XKR4: variants seen among roughly 807,000 people sequenced by gnomAD.
XKR4 encodes the protein XK related 4.
Under a neutral mutation model 53.9 loss-of-function variants are expected in XKR4, and 12 were observed. That is an observed-to-expected ratio of 0.22 (90% CI 0.14 to 0.36). The LOEUF (loss-of-function observed/expected upper bound fraction) is 0.36, where lower values mean the gene tolerates loss of function less well. XKR4 is among the 10% of genes least tolerant of loss of function. The pLI is 1.00. For synonymous variants in XKR4, 354 were observed against 362.4 expected (o/e 0.98, Z 0.26); for missense variants, 799 against 859.5 (o/e 0.93, Z 0.88).
At chr8:55,324,621 T>G (rs2129379915) in intron 1 of XKR4, among the ~76,000 whole-genome samples, 1 of 152,336 alleles carries the variant, frequency 6.6e-6, no homozygotes, top group Admixed American at 6.5e-5. Context: ...ACTTATGGCT[T>G]AACTCACTGT....
chr8:55,342,692 T>C (rs1397498838), intron 1 of XKR4, among the ~76,000 whole-genome samples: 4 of 152,190 alleles, frequency 2.6e-5, no homozygotes, highest in Non-Finnish European at 5.9e-5. Context: ...GAGGGCTTGC[T>C]TCCTCTTCCT....
Position 55,323,750 on chromosome 8 carries a change from T to A in XKR4, c.807-33928T>A, listed in dbSNP as rs549231945. Among the ~76,000 whole-genome samples the A allele has an allele frequency of 5.3e-5, 8 of 152,350 alleles. No homozygotes were observed. The East Asian group carries it at 1.5e-3, about 29-fold the overall frequency. On this transcript the variant is annotated intron_variant, in intron 1 of 2. Coordinates refer to ENST00000327381, the MANE Select transcript of XKR4 (RefSeq NM_052898.2). ...TATGAGACTGTGGAACATTGTTCTA[T>A]GTGTCCTTAATGCTTTGTTCATTTC...
At chr8:55,402,890 C>G (rs916765565) in intron 2 of XKR4, among the ~76,000 whole-genome samples, 12 of 152,136 alleles carry the variant, frequency 7.9e-5, no homozygotes, top group Non-Finnish European at 1.8e-4. Context: ...GCCCACAGAC[C>G]TGCCTAAGTC....
At chr8:55,492,261 C>T (rs541983334) in intron 2 of XKR4, among the ~76,000 whole-genome samples, 3 of 152,038 alleles carry the variant, frequency 2.0e-5, no homozygotes, top group Admixed American at 6.5e-5. Context: ...AATTCAGAAC[C>T]GGATAATTTG....
intron 2 of XKR4, chr8:55,449,583 C>T: frequency 1.5e-6 from 2 of 1,328,498 alleles, no homozygotes; most frequent in Non-Finnish European, 2.2e-6. Flanking sequence ...GCACAAAAGT[C>T]GTAAACGCGA....
In XKR4 at chr8:55,525,836, A is replaced by G. The variant is rs1462109228; in HGVS notation, c.*1609A>G. 2.0e-5 allele frequency: 3 copies of G among 152,492 alleles called. No individual in the cohort carries two copies. The highest frequency in any genetic ancestry group is 4.4e-5 in the Non-Finnish European group (3 of 68,036). The allele number at this position is 152,492 out of a possible 1,614,324, so 9.4% of individuals were successfully genotyped here. On this transcript the variant is annotated 3_prime_UTR_variant, in exon 3 of 3. Transcript: ENST00000327381. ...ATCATAATTACTTGGGATGTCAGAA[A>G]CTGGTCCACAAATTCCATCAGCCTG...
Position 55,189,117 on chromosome 8 carries a change from G to C in XKR4, c.806+85823G>C, listed in dbSNP as rs78684761. 3.9e-5 allele frequency among the ~76,000 whole-genome samples: 6 copies of C among 152,268 alleles called. No individual in the cohort carries two copies. The East Asian group carries it at 1.2e-3, about 29-fold the overall frequency. On this transcript the variant is annotated intron_variant, in intron 1 of 2. Transcript: ENST00000327381. ...GCCCTACTACATCCTGGGCTCCTAA[G>C]TTGAAGAGTTAATTGTGATTTCGAT...
In XKR4 at chr8:55,130,976, G is replaced by T. The variant is rs186869467; in HGVS notation, c.806+27682G>T. Among the ~76,000 whole-genome samples, 230 of 152,082 alleles carry T rather than the reference G, an allele frequency of 1.5e-3. 1 individual carries two copies. The highest frequency in any genetic ancestry group is 4.4e-3 in the African/African-American group (184 of 41,488). ...GGAGTTTGAGACCAGCTTGACCGAC[G>T]TGGAGAAACCCCATCTCTACTAAAA... On this transcript the variant is annotated intron_variant, in intron 1 of 2. Coordinates refer to ENST00000327381, the MANE Select transcript of XKR4 (RefSeq NM_052898.2).
At chr8:55,408,795 T>G (rs1026243502) in intron 2 of XKR4, among the ~76,000 whole-genome samples, 2 of 150,810 alleles carry the variant, frequency 1.3e-5, no homozygotes, top group South Asian at 4.2e-4. Context: ...GATCACGGGG[T>G]CAGGAGTTCG....
intron 1 of XKR4, among the ~76,000 whole-genome samples, chr8:55,354,955 G>A (rs927603119): frequency 1.3e-5 from 2 of 150,694 alleles, no homozygotes; most frequent in African/African-American, 4.9e-5. Context: ...CCAGGATGGA[G>A]CGCAATGACA....
At chr8:55,181,300 G>GTCA (rs1205074794) in intron 1 of XKR4, among the ~76,000 whole-genome samples, 2 of 152,098 alleles carry the variant, frequency 1.3e-5, no homozygotes, top group Non-Finnish European at 2.9e-5. Flanking sequence ...TAACAACAGT[G>GTCA]TCATCTCCTT....
chr8:55,232,190 G>T (rs1818051667), intron 1 of XKR4, among the ~76,000 whole-genome samples: 1 of 152,176 alleles, frequency 6.6e-6, no homozygotes, highest in Non-Finnish European at 1.5e-5. Context: ...GGGACCTCTG[G>T]ATAGCTCTCT....
chr8:55,243,732 A>C (rs1818242797), intron 1 of XKR4, among the ~76,000 whole-genome samples: 2 of 152,190 alleles, frequency 1.3e-5, no homozygotes, highest in African/African-American at 4.8e-5. Flanking sequence ...TTTTAATTGC[A>C]ATTCTGTAAG....
chr8:55,194,131 C>A (rs565773445), intron 1 of XKR4, among the ~76,000 whole-genome samples: 1 of 152,170 alleles, frequency 6.6e-6, no homozygotes, highest in Non-Finnish European at 1.5e-5. Flanking sequence ...TAACTAAATG[C>A]CAGGTTGGAT....
intron 1 of XKR4, among the ~76,000 whole-genome samples, chr8:55,302,081 C>T (rs1394555686): frequency 6.6e-6 from 1 of 151,938 alleles, no homozygotes; most frequent in African/African-American, 2.4e-5. Flanking sequence ...ATGCCTATGT[C>T]CTGAATGGTA....
chr8:55,325,879 A>C (rs969434213), intron 1 of XKR4, among the ~76,000 whole-genome samples: 5 of 152,254 alleles, frequency 3.3e-5, no homozygotes, highest in African/African-American at 1.2e-4. Flanking sequence ...CTCTCTAAGA[A>C]ATTGATATAT....
intron 1 of XKR4, among the ~76,000 whole-genome samples, chr8:55,144,299 A>G (rs968902351): frequency 6.6e-6 from 1 of 152,146 alleles, no homozygotes; most frequent in Non-Finnish European, 1.5e-5. Flanking sequence ...ATTTTCATTG[A>G]AACCCAGGGA....
chr8:55,407,982 C>T (rs1323344272), intron 2 of XKR4, among the ~76,000 whole-genome samples: 1 of 152,134 alleles, frequency 6.6e-6, no homozygotes, highest in Non-Finnish European at 1.5e-5. Flanking sequence ...GTGTCACTAA[C>T]CTGAAGATGT....
At chr8:55,470,235 T>C (rs1805859315) in intron 2 of XKR4, among the ~76,000 whole-genome samples, 1 of 152,076 alleles carries the variant, frequency 6.6e-6, no homozygotes, top group East Asian at 1.9e-4. Flanking sequence ...CAATTTAGAA[T>C]TCTAGAAGTT....
Sources: allele counts gnomAD v4.1 joint callset (sites outside exome capture counted in the v4.1 genomes callset), GRCh38; gene constraint gnomAD v4.1.1; transcripts MANE v1.5; gene names NCBI Gene and HGNC (gene_info 2026-07-23, HGNC 2026-07-21).